MEGF11: variants seen among roughly 807,000 people sequenced by gnomAD.
MEGF11 encodes multiple epidermal growth factor-like domains protein 11.
MEGF11 carries 126 observed loss-of-function variants against 146.6 expected under a neutral mutation model. The observed-to-expected ratio is 0.86, with a 90% CI of 0.74 to 1.00. The LOEUF (loss-of-function observed/expected upper bound fraction) is 1.00. Among genes scored for constraint, MEGF11 ranks in the 50% least tolerant of loss-of-function variants. MEGF11 has a pLI of 0.00. For missense variants in MEGF11, 1,509 were observed against 1,521.2 expected (o/e 0.99, Z 0.13); for synonymous variants, 532 against 583.4 (o/e 0.91, Z 1.27).
intron 5 of MEGF11, among the ~76,000 whole-genome samples, chr15:66,053,731 T>A (rs1230682380): frequency 2.1e-5 from 3 of 140,742 alleles, no homozygotes; most frequent in East Asian, 2.1e-4. Context: ...TTTTTTTTTT[T>A]TTTTTTTTTT....
chr15:66,202,403 C>T (rs563804122), intron 1 of MEGF11, among the ~76,000 whole-genome samples: 1 of 152,324 alleles, frequency 6.6e-6, no homozygotes, highest in South Asian at 2.1e-4. Context: ...GCCCTCCATG[C>T]TAAGGTTGGG....
At chr15:66,146,701 G>A (rs905202935) in intron 1 of MEGF11, among the ~76,000 whole-genome samples, 2 of 152,218 alleles carry the variant, frequency 1.3e-5, no homozygotes, top group Non-Finnish European at 1.5e-5. Context: ...ATTCTGTCCC[G>A]ATCTCACTGT....
intron 5 of MEGF11, among the ~76,000 whole-genome samples, chr15:65,996,474 C>G (rs2082200366): frequency 7.8e-6 from 1 of 127,588 alleles, no homozygotes; most frequent in Non-Finnish European, 1.6e-5. Flanking sequence ...CTGTTTATCT[C>G]TAGCACACTT....
At chr15:66,117,158 T>G (rs1299789659) in intron 4 of MEGF11, among the ~76,000 whole-genome samples, 3 of 152,070 alleles carry the variant, frequency 2.0e-5, no homozygotes, top group Non-Finnish European at 4.4e-5. Context: ...GGGAAGATGA[T>G]GAAGATAAAG....
At chr15:65,945,670 A>T (rs2080165579) in intron 10 of MEGF11, among the ~76,000 whole-genome samples, 1 of 152,118 alleles carries the variant, frequency 6.6e-6, no homozygotes, top group Non-Finnish European at 1.5e-5. Flanking sequence ...CAGCGTGGTG[A>T]CTGGGCACTC....
At chr15:66,108,563 G>A (rs994430377) in intron 4 of MEGF11, among the ~76,000 whole-genome samples, 2 of 152,230 alleles carry the variant, frequency 1.3e-5, no homozygotes, top group African/African-American at 2.4e-5. Context: ...GGTCAGGGAA[G>A]CCTCTCTGAA....
Position 65,897,755 on chromosome 15 carries a change from C to G in MEGF11, c.*179G>C, listed in dbSNP as rs1267437184. 5 of 547,734 alleles carry G rather than the reference C, an allele frequency of 9.1e-6. No homozygotes were observed. The highest frequency in any genetic ancestry group is 1.5e-5 in the Non-Finnish European group (5 of 333,060). 33.9% of individuals were successfully genotyped at this position (547,734 alleles called of 1,614,324 possible). Reference sequence around the variant, plus strand: ...GGGTGATAGGATTTGCCTTTGAGAACACAATTCCTTGAACAATTATCCCAG... The same window carrying G: ...GGGTGATAGGATTTGCCTTTGAGAAGACAATTCCTTGAACAATTATCCCAG... On this transcript the variant is annotated 3_prime_UTR_variant, in exon 26 of 26. Transcript: ENST00000395614.
At chr15:66,116,090 G>A (rs1312070917) in intron 4 of MEGF11, among the ~76,000 whole-genome samples, 7 of 152,098 alleles carry the variant, frequency 4.6e-5, no homozygotes, top group Admixed American at 6.5e-5. Context: ...CCTCCTCACC[G>A]CCCACCTCCA....
chr15:66,025,029 G>C (rs140251840), intron 5 of MEGF11, among the ~76,000 whole-genome samples: 174 of 152,162 alleles, frequency 1.1e-3, no homozygotes, highest in Admixed American at 4.1e-3. Context: ...ATCTGCAGGA[G>C]ATCAAAGCTG....
chr15:66,073,352 T>C lies in MEGF11; in HGVS notation c.394+21050A>G, dbSNP rs376689451. On this transcript the variant is annotated intron_variant, in intron 5 of 25. Transcript: ENST00000395614. ...GTCCCTGAGAGGCTGTGCCCTTCCTTGTGGGCAGGCTGTCTCCCATCTCCC... is the reference window on the plus strand; with the variant it reads ...GTCCCTGAGAGGCTGTGCCCTTCCTCGTGGGCAGGCTGTCTCCCATCTCCC... 1.9e-4 allele frequency among the ~76,000 whole-genome samples: 29 copies of C among 152,314 alleles called. No individual in the cohort carries two copies. The East Asian group carries it at 5.0e-3, about 26-fold the overall frequency.
chr15:65,980,883 G>A lies in MEGF11; in HGVS notation c.657C>T (p.Cys219=). ...GYTGVYCEEL[C]PPGSHGAHCE... ...AGTGAGCTCCATGGCTCCCAGGAGG[G>A]CACAGCTCCTCGCAGCTGCATGGAG... The change falls in exon 7 of 26, where the codon TGC becomes TGT. Residue 219 remains cysteine (C), a synonymous_variant. Coordinates refer to ENST00000395614, the MANE Select transcript of MEGF11 (RefSeq NM_001385028.1). 1.3e-6 allele frequency: 2 copies of A among 1,587,632 alleles called. No homozygotes were observed. The highest frequency in any genetic ancestry group is 2.3e-5 in the East Asian group (1 of 43,762).
chr15:66,247,092 C>A (rs1477141096), intron 1 of MEGF11, among the ~76,000 whole-genome samples: 2 of 152,128 alleles, frequency 1.3e-5, no homozygotes, highest in Admixed American at 6.5e-5. Flanking sequence ...GATTTTATAA[C>A]CTATCCATAC....
rs376480282 is a variant in MEGF11 at position 65,964,871 on chromosome 15, C to T, written c.1112+37G>A. The stretch of plus-strand genomic sequence containing the variant: ...GCCTCCTCTCTACCTGAGCACCCCC[C>T]GCCCTTGTCCCGGGCTCGCCCATTC... On this transcript the variant is annotated intron_variant, in intron 9 of 25. Transcript: ENST00000395614. 2,399 of 1,499,008 alleles carry T rather than the reference C, an allele frequency of 1.6e-3. 3 individuals carry two copies. Among genetic ancestry groups the T allele is most frequent in the Middle Eastern group, 4.7e-3 (20 of 4,244 alleles). 92.9% of individuals were successfully genotyped at this position (1,499,008 alleles called of 1,614,324 possible). A position where few individuals can be genotyped will look rare whatever the true frequency, so the allele number is the denominator to read the frequency against.
At chr15:66,041,005 A>G (rs991247108) in intron 5 of MEGF11, among the ~76,000 whole-genome samples, 1 of 151,522 alleles carries the variant, frequency 6.6e-6, no homozygotes, top group Non-Finnish European at 1.5e-5. Context: ...TCCTGGCTAT[A>G]TCTCTCTCAG....
rs2091030192 is a variant in MEGF11, at chr15:66,197,219, T to C, written c.-9+56386A>G. Reference sequence around the variant, plus strand: ...AGACCTTTGTCTGTCTCATTTGTGCTTCCTGATTACTTATGTCCTTGAAAT... The same window carrying C: ...AGACCTTTGTCTGTCTCATTTGTGCCTCCTGATTACTTATGTCCTTGAAAT... On this transcript the variant is annotated intron_variant, in intron 1 of 25. Coordinates refer to ENST00000395614, the MANE Select transcript of MEGF11 (RefSeq NM_001385028.1). Among the ~76,000 whole-genome samples, 3 of 152,210 alleles carry C rather than the reference T, an allele frequency of 2.0e-5. No homozygotes were observed. In the South Asian group the frequency reaches 6.2e-4, roughly 32 times the overall value.
At chr15:66,227,372 CATT>C (rs1216693369) in intron 1 of MEGF11, among the ~76,000 whole-genome samples, 2 of 152,084 alleles carry the variant, frequency 1.3e-5, no homozygotes, top group African/African-American at 4.8e-5. Context: ...TTATCCTCAG[CATT>C]ATTATTAATA....
At chr15:66,194,675 AG>A (rs2090965900) in intron 1 of MEGF11, among the ~76,000 whole-genome samples, 1 of 44,550 alleles carries the variant, frequency 2.2e-5, no homozygotes, top group East Asian at 6.3e-4. Context: ...AAGAAGGGGG[AG>A]GGGGAGGGGG....
intron 10 of MEGF11, among the ~76,000 whole-genome samples, chr15:65,942,556 T>TGGC (rs1403900578): frequency 1.3e-5 from 2 of 152,254 alleles, no homozygotes; most frequent in East Asian, 1.9e-4. Context: ...GTGGTGGTGG[T>TGGC]GGCGGTGCTG....
intron 5 of MEGF11, among the ~76,000 whole-genome samples, chr15:66,060,988 C>T (rs2140410703): frequency 6.6e-6 from 1 of 152,308 alleles, no homozygotes; most frequent in African/African-American, 2.4e-5. Context: ...ACGCCTAGGG[C>T]TGGAATGGGG....
Sources: gnomAD v4.1 joint callset for allele counts (sites outside exome capture counted in the v4.1 genomes callset) on GRCh38, gnomAD v4.1.1 for gene constraint, MANE v1.5 for transcripts, NCBI Gene and HGNC (gene_info 2026-07-23, HGNC 2026-07-21) for gene names.